OXR1: variants seen among roughly 807,000 people sequenced by gnomAD.
The protein encoded by OXR1 is oxidation resistance 1, also known as oxidation resistance protein 1.
OXR1 carries 41 observed loss-of-function variants against 104.6 expected under a neutral mutation model. The observed-to-expected ratio is 0.39, with a 90% confidence interval of 0.31 to 0.51. OXR1 has a LOEUF of 0.51. OXR1 is among the 20% of genes least tolerant of loss of function. The pLI, the probability that OXR1 is intolerant of heterozygous loss-of-function variation, is 0.77. For missense variants in OXR1, 955 were observed against 1,031.9 expected (o/e 0.93, Z 1.02); for synonymous variants, 348 against 348.4 (o/e 1.00, Z 0.01).
intron 3 of OXR1, among the ~76,000 whole-genome samples, chr8:106,594,167 G>A (rs1029258832): frequency 6.6e-6 from 1 of 152,092 alleles, no homozygotes; most frequent in African/African-American, 2.4e-5. Flanking sequence ...ATATAAGGGT[G>A]TATTCAATTG....
At chr8:106,425,840 G>C (rs1467528618) in intron 2 of OXR1, among the ~76,000 whole-genome samples, 1 of 152,162 alleles carries the variant, frequency 6.6e-6, no homozygotes, top group Non-Finnish European at 1.5e-5. Context: ...ACATGGGGTA[G>C]GTTATTGGAT....
chr8:106,398,176 G>A (rs1194397650), intron 2 of OXR1, among the ~76,000 whole-genome samples: 1 of 152,080 alleles, frequency 6.6e-6, no homozygotes, highest in Non-Finnish European at 1.5e-5. Context: ...AATAAAGTTT[G>A]TATCACTAAT....
intron 2 of OXR1, among the ~76,000 whole-genome samples, chr8:106,433,532 T>C (rs1819446798): frequency 6.6e-6 from 1 of 152,184 alleles, no homozygotes; most frequent in South Asian, 2.1e-4. Context: ...CTGTTATCAA[T>C]TTTGTTTCAG....
intron 3 of OXR1, among the ~76,000 whole-genome samples, chr8:106,544,012 A>C (rs933800811): frequency 6.6e-6 from 1 of 152,204 alleles, no homozygotes; most frequent in Non-Finnish European, 1.5e-5. Context: ...TGTGCTTAAT[A>C]GGTCAGGGAT....
chr8:106,710,556 G>A, intron 9 of OXR1, 66 bp from the exon 10 acceptor site: 1 of 1,085,332 alleles, frequency 9.2e-7, no homozygotes, highest in Non-Finnish European at 1.3e-6. Flanking sequence ...TGAAGGTAAA[G>A]TTAACTAAAC....
At position 106,304,710 on chromosome 8, in the gene OXR1, G is replaced by A. The variant is rs370547114; in HGVS notation, c.-139+34343G>A. ...ATGTGGTATATATTTTAAATTTACA[G>A]CATTATCTCAAATTAGCCTCTTTTT... On this transcript the variant is annotated intron_variant, in intron 1 of 16. Transcript: ENST00000517566. Among the ~76,000 whole-genome samples the A allele has an allele frequency of 5.3e-5, 8 of 152,192 alleles. No homozygotes were observed. In the East Asian group the frequency reaches 9.6e-4, roughly 18 times the overall value.
chr8:106,459,857 G>T (rs974544328), intron 2 of OXR1, among the ~76,000 whole-genome samples: 2 of 152,170 alleles, frequency 1.3e-5, no homozygotes, highest in African/African-American at 4.8e-5. Context: ...CTGTCAGAAA[G>T]ATGATACATG....
chr8:106,508,002 C>A lies in OXR1; in HGVS notation c.24-10941C>A, dbSNP rs77825144. Among the ~76,000 whole-genome samples, 716 of 152,244 alleles carry A rather than the reference C, an allele frequency of 4.7e-3. 22 individuals are homozygous for A. In the East Asian group the frequency reaches 0.052, roughly 11 times the overall value. On this transcript the variant is annotated intron_variant, in intron 2 of 16. Coordinates refer to ENST00000517566, the MANE Select transcript of OXR1 (RefSeq NM_001198533.2). ...GGCTTCTTCTTTTGGGACCTGATGGCCCTCAGCATGTCCATCTTAACTCCT... is the reference window on the plus strand; with the variant it reads ...GGCTTCTTCTTTTGGGACCTGATGGACCTCAGCATGTCCATCTTAACTCCT...
At chr8:106,430,991 G>A (rs1404618118) in intron 2 of OXR1, among the ~76,000 whole-genome samples, 6 of 152,138 alleles carry the variant, frequency 3.9e-5, no homozygotes, top group African/African-American at 1.4e-4. Context: ...GAGAATTGAT[G>A]CTCTAAGACT....
chr8:106,539,010 G>T (rs971865960), intron 3 of OXR1, among the ~76,000 whole-genome samples: 1 of 152,056 alleles, frequency 6.6e-6, no homozygotes, highest in Non-Finnish European at 1.5e-5. Context: ...GTAGAGTAAG[G>T]CTTTAAATCC....
At chr8:106,313,647 GC>G (rs1813803818) in intron 1 of OXR1, among the ~76,000 whole-genome samples, 1 of 151,534 alleles carries the variant, frequency 6.6e-6, no homozygotes, top group Non-Finnish European at 1.5e-5. Context: ...TTCTCCTTTT[GC>G]TAGGACAAAA....
chr8:106,629,830 A>G (rs189562524), intron 3 of OXR1, among the ~76,000 whole-genome samples: 1 of 152,246 alleles, frequency 6.6e-6, no homozygotes, highest in African/African-American at 2.4e-5. Context: ...CTTGTGTGGT[A>G]GGATTCTCCA....
intron 1 of OXR1, among the ~76,000 whole-genome samples, chr8:106,306,139 G>A (rs2130111721): frequency 6.6e-6 from 1 of 152,020 alleles, no homozygotes; most frequent in African/African-American, 2.4e-5. Context: ...AAGTTGCACT[G>A]AGATGGTTCT....
intron 2 of OXR1, among the ~76,000 whole-genome samples, chr8:106,421,732 A>G (rs992725477): frequency 4.4e-5 from 5 of 113,734 alleles, no homozygotes; most frequent in African/African-American, 7.8e-5. Context: ...GAAAGAAACT[A>G]TATCAAATTT....
chr8:106,728,196 G>C (rs1833526514), intron 11 of OXR1, among the ~76,000 whole-genome samples: 1 of 146,128 alleles, frequency 6.8e-6, no homozygotes, highest in Non-Finnish European at 1.5e-5. Context: ...CCTGACAAGG[G>C]GCTCTTATGC....
At chr8:106,712,587 G>A (rs751308669) in intron 10 of OXR1, among the ~76,000 whole-genome samples, 3 of 152,126 alleles carry the variant, frequency 2.0e-5, no homozygotes, top group Admixed American at 6.6e-5. Flanking sequence ...CATCTTACAC[G>A]TTTGTGTACC....
At chr8:106,437,909 A>T (rs1819642211) in intron 2 of OXR1, among the ~76,000 whole-genome samples, 1 of 152,140 alleles carries the variant, frequency 6.6e-6, no homozygotes, top group Non-Finnish European at 1.5e-5. Context: ...TAATATGTGT[A>T]TGACACTGTG....
intron 1 of OXR1, among the ~76,000 whole-genome samples, chr8:106,338,845 T>C (rs543889397): frequency 6.6e-6 from 1 of 152,002 alleles, no homozygotes; most frequent in East Asian, 1.9e-4. Flanking sequence ...CAAGAATTTC[T>C]CTCTCTCTCT....
intron 3 of OXR1, among the ~76,000 whole-genome samples, chr8:106,531,053 A>T (rs540039685): frequency 4.6e-5 from 7 of 152,338 alleles, no homozygotes; most frequent in Admixed American, 2.0e-4. Flanking sequence ...ATATTACATG[A>T]AAAAGTTTAG....
Sources: gnomAD v4.1 joint callset for allele counts (sites outside exome capture counted in the v4.1 genomes callset) on GRCh38, gnomAD v4.1.1 for gene constraint, MANE v1.5 for transcripts, NCBI Gene and HGNC (gene_info 2026-07-23, HGNC 2026-07-21) for gene names.